Variants in RPH3AL observed in about 807,000 individuals in gnomAD.
RPH3AL encodes rab effector Noc2.
RPH3AL carries 38 observed loss-of-function variants against 43.1 expected under a neutral mutation model. The ratio of observed to expected loss-of-function variants is 0.88; its 90% CI spans 0.68 to 1.15. RPH3AL has a LOEUF of 1.15. Among genes scored for constraint, RPH3AL ranks in the 50% most tolerant of loss-of-function variants. The pLI, the probability that RPH3AL is intolerant of heterozygous loss-of-function variation, is 0.00. For synonymous variants in RPH3AL, 189 were observed against 176.3 expected (o/e 1.07, Z -0.57); for missense variants, 462 against 423.2 (o/e 1.09, Z -0.81).
At position 346,697 on chromosome 17, in the gene RPH3AL, C is replaced by T; in HGVS notation, c.-213+6015G>A. On this transcript the variant is annotated intron_variant, in intron 1 of 9. Transcript: ENST00000331302. Reference sequence around the variant, plus strand: ...ACATAATCTTTTTTCCTTCTCCTTTCAGATAAGTCAGAGACAATAAATAAG... The same window carrying T: ...ACATAATCTTTTTTCCTTCTCCTTTTAGATAAGTCAGAGACAATAAATAAG... Among the ~76,000 whole-genome samples, 2 of 135,218 alleles carry T rather than the reference C, an allele frequency of 1.5e-5. 1 individual carries two copies. 88.7% of individuals were successfully genotyped at this position (135,218 alleles called of 152,430 possible). A position where few individuals can be genotyped will look rare whatever the true frequency, so the allele number is the denominator to read the frequency against.
At chr17:325,815 C>T (rs529830766) in intron 3 of RPH3AL, among the ~76,000 whole-genome samples, 3 of 152,238 alleles carry the variant, frequency 2.0e-5, no homozygotes, top group South Asian at 2.1e-4. Context: ...AGGGGAGCCC[C>T]GAGCTGCAGC....
intron 6 of RPH3AL, among the ~76,000 whole-genome samples, chr17:251,833 C>A (rs560889013): frequency 6.6e-6 from 1 of 152,388 alleles, no homozygotes; most frequent in East Asian, 1.9e-4. Context: ...CCTCCCTGTC[C>A]TCCACCGTGG....
intron 1 of RPH3AL, among the ~76,000 whole-genome samples, chr17:336,747 C>A (rs1312427608): frequency 6.6e-6 from 1 of 152,186 alleles, no homozygotes; most frequent in Non-Finnish European, 1.5e-5. Flanking sequence ...CACAAACCAC[C>A]CTTGCATTCT....
At chr17:330,624 T>C (rs2044728896) in intron 2 of RPH3AL, among the ~76,000 whole-genome samples, 1 of 152,160 alleles carries the variant, frequency 6.6e-6, no homozygotes, top group South Asian at 2.1e-4. Context: ...GCCTGTAATC[T>C]CAGCACTTCG....
At chr17:241,721 C>CTT (rs58397357) in intron 7 of RPH3AL, among the ~76,000 whole-genome samples, 4,869 of 133,922 alleles carry the variant, frequency 0.036, 266 homozygotes, top group African/African-American at 0.12. Context: ...CTTTTTTTTT[C>CTT]TTTTTTTTTT....
chr17:219,192 CTTTTTTTTT>C (rs796389217), intron 8 of RPH3AL, among the ~76,000 whole-genome samples: 4 of 58,018 alleles, frequency 6.9e-5, no homozygotes, highest in Non-Finnish European at 8.5e-5. Flanking sequence ...ATAAACAGCA[CTTTTTTTTT>C]TTTTTTTTTT....
chr17:267,682 G>A (rs934662106), intron 6 of RPH3AL, among the ~76,000 whole-genome samples: 1 of 152,070 alleles, frequency 6.6e-6, no homozygotes, highest in Non-Finnish European at 1.5e-5. Flanking sequence ...TTCCCTGCTG[G>A]GGAAAGCCTC....
intron 5 of RPH3AL, among the ~76,000 whole-genome samples, chr17:288,781 G>A (rs35740257): frequency 1.6e-4 from 1 of 6,138 alleles, no homozygotes; most frequent in East Asian, 3.5e-3. Flanking sequence ...GTCAGACCTC[G>A]CACCCTCTCT....
At chr17:240,259 T>TC (rs2041498094) in intron 7 of RPH3AL, among the ~76,000 whole-genome samples, 1 of 150,506 alleles carries the variant, frequency 6.6e-6, no homozygotes, top group Non-Finnish European at 1.5e-5. Flanking sequence ...AAAAGGTTTT[T>TC]TTGTTGTAAG....
chr17:321,936 A>T (rs1360730772), intron 3 of RPH3AL, among the ~76,000 whole-genome samples: 1 of 152,216 alleles, frequency 6.6e-6, no homozygotes, highest in African/African-American at 2.4e-5. Context: ...AGCATGAGAG[A>T]TTATCAAGAG....
intron 6 of RPH3AL, among the ~76,000 whole-genome samples, chr17:279,848 C>A (rs879288559): frequency 6.6e-6 from 1 of 152,158 alleles, no homozygotes; most frequent in Non-Finnish European, 1.5e-5. Flanking sequence ...GGAAGGGAGG[C>A]CTCTGATAGT....
chr17:314,918 C>T (rs2043873188), intron 5 of RPH3AL, among the ~76,000 whole-genome samples: 1 of 147,034 alleles, frequency 6.8e-6, no homozygotes, highest in Admixed American at 6.7e-5. Flanking sequence ...CCAGTAGTCC[C>T]TGTGCCCCAC....
At chr17:315,884 C>G (rs1307025453) in intron 5 of RPH3AL, among the ~76,000 whole-genome samples, 2 of 150,034 alleles carry the variant, frequency 1.3e-5, no homozygotes, top group Admixed American at 6.7e-5. Context: ...CTCCATTGAC[C>G]TGTAGTCCCT....
chr17:332,038 G>A (rs561861766), intron 2 of RPH3AL: 16 of 425,086 alleles, frequency 3.8e-5, no homozygotes, highest in South Asian at 2.7e-4. Context: ...TGGAGCTCTG[G>A]GGGGAGCAGA....
chr17:336,415 A>G (rs868051739), intron 1 of RPH3AL, among the ~76,000 whole-genome samples: 46 of 152,310 alleles, frequency 3.0e-4, no homozygotes, highest in Non-Finnish European at 3.1e-4. Context: ...GAGTTGAAGC[A>G]GGAGCCCCGG....
intron 3 of RPH3AL, among the ~76,000 whole-genome samples, chr17:326,213 G>A (rs1220352639): frequency 3.9e-5 from 6 of 152,270 alleles, no homozygotes; most frequent in Non-Finnish European, 8.8e-5. Flanking sequence ...TCCTGGCGAA[G>A]GGGACCAGTT....
chr17:315,490 G>A (rs1213032565), intron 5 of RPH3AL, among the ~76,000 whole-genome samples: 21 of 116,510 alleles, frequency 1.8e-4, no homozygotes, highest in African/African-American at 5.6e-4. Context: ...CCATTGACCT[G>A]TAGTCCCTGT....
chr17:342,363 C>T (rs2045141667), intron 1 of RPH3AL, among the ~76,000 whole-genome samples: 1 of 152,150 alleles, frequency 6.6e-6, no homozygotes, highest in South Asian at 2.1e-4. Context: ...AGGTATAGAC[C>T]CAAAAGAATT....
intron 6 of RPH3AL, among the ~76,000 whole-genome samples, chr17:270,533 G>A (rs1597981512): frequency 6.6e-6 from 1 of 152,136 alleles, no homozygotes; most frequent in African/African-American, 2.4e-5. Flanking sequence ...TCACCTCCAG[G>A]ATAAGTGAGT....
Sources: gnomAD v4.1 joint callset for allele counts (sites outside exome capture counted in the v4.1 genomes callset) on GRCh38, gnomAD v4.1.1 for gene constraint, MANE v1.5 for transcripts, NCBI Gene and HGNC (gene_info 2026-07-23, HGNC 2026-07-21) for gene names.